Variants in DNM3 observed in about 807,000 individuals in gnomAD.
DNM3 encodes dynamin 3.
Under a neutral mutation model 101.6 loss-of-function variants are expected in DNM3, and 47 were observed. The observed-to-expected ratio is 0.46, with a 90% CI of 0.37 to 0.59. The LOEUF (loss-of-function observed/expected upper bound fraction) is 0.59, where lower values mean the gene tolerates loss of function less well. Among genes scored for constraint, DNM3 ranks in the 20% least tolerant of loss-of-function variants. The probability of loss-of-function intolerance (pLI) is 0.00; values close to 1 mark genes in which losing one functional copy is unlikely to be tolerated. For synonymous variants in DNM3, 385 were observed against 387.9 expected (o/e 0.99, Z 0.09); for missense variants, 849 against 1,085.7 (o/e 0.78, Z 3.06).
chr1:172,200,954 A>G (rs1422851370), intron 14 of DNM3, among the ~76,000 whole-genome samples: 1 of 152,044 alleles, frequency 6.6e-6, no homozygotes, highest in East Asian at 1.9e-4. Context: ...CATTTTAGTT[A>G]CCACAAAGTT....
intron 14 of DNM3, among the ~76,000 whole-genome samples, chr1:172,156,038 C>G (rs955901380): frequency 6.6e-6 from 1 of 151,942 alleles, no homozygotes; most frequent in African/African-American, 2.4e-5. Flanking sequence ...TTTTTTCATC[C>G]ATAGAACGAG....
At chr1:172,097,124 G>A (rs980465052) in intron 13 of DNM3, among the ~76,000 whole-genome samples, 32 of 152,122 alleles carry the variant, frequency 2.1e-4, no homozygotes, top group East Asian at 1.9e-4. Context: ...ATTTAGGGCC[G>A]GGCACGGTGA....
intron 20 of DNM3, among the ~76,000 whole-genome samples, chr1:172,404,663 A>G (rs1180794840): frequency 6.6e-6 from 1 of 152,028 alleles, no homozygotes; most frequent in Non-Finnish European, 1.5e-5. Context: ...ATAGACCTAC[A>G]TTCCTACTTC....
Position 172,044,351 on chromosome 1 carries a change from A to G in DNM3, c.1129-34A>G, listed in dbSNP as rs183499366. The G allele has an allele frequency of 1.2e-4, 192 of 1,553,544 alleles. 1 individual carries two copies. The highest frequency in any genetic ancestry group is 9.5e-5 in the African/African-American group (7 of 73,720). On this transcript the variant is annotated intron_variant, in intron 8 of 20. Coordinates refer to ENST00000627582, the MANE Select transcript of DNM3 (RefSeq NM_015569.5). ...TCAACAATATTATTCAAAGGAATTA[A>G]GTGTCATAACTATGGCTCATTTTGC...
At chr1:172,238,640 G>A (rs2061630864) in intron 14 of DNM3, among the ~76,000 whole-genome samples, 1 of 152,084 alleles carries the variant, frequency 6.6e-6, no homozygotes, top group Non-Finnish European at 1.5e-5. Flanking sequence ...TAAGCATGCA[G>A]TCCCATTCAT....
chr1:172,088,568 C>T (rs949822114), intron 12 of DNM3, among the ~76,000 whole-genome samples: 4 of 152,120 alleles, frequency 2.6e-5, no homozygotes, highest in African/African-American at 9.7e-5. Context: ...CACTTACAAA[C>T]CCCAGTCTAT....
intron 10 of DNM3, among the ~76,000 whole-genome samples, chr1:172,054,151 G>A (rs2050403903): frequency 6.6e-6 from 1 of 152,184 alleles, no homozygotes; most frequent in Non-Finnish European, 1.5e-5. Context: ...CTCCTCATGT[G>A]ATGCCTCATG....
intron 20 of DNM3, among the ~76,000 whole-genome samples, chr1:172,402,848 T>G (rs371389470): frequency 6.6e-6 from 1 of 152,212 alleles, no homozygotes; most frequent in Non-Finnish European, 1.5e-5. Flanking sequence ...CTTCTTAAGA[T>G]TTCCAGCACT....
chr1:172,324,943 C>A (rs575649658), intron 17 of DNM3, among the ~76,000 whole-genome samples: 1 of 152,228 alleles, frequency 6.6e-6, no homozygotes, highest in Non-Finnish European at 1.5e-5. Flanking sequence ...GGGGGAGGTG[C>A]TAACTCTCAG....
intron 14 of DNM3, among the ~76,000 whole-genome samples, chr1:172,215,977 A>C (rs1376823174): frequency 1.3e-5 from 2 of 150,468 alleles, no homozygotes; most frequent in Non-Finnish European, 3.0e-5. Context: ...AAAAGAAAGA[A>C]AACTTAAAGT....
intron 13 of DNM3, among the ~76,000 whole-genome samples, chr1:172,128,305 A>G (rs2148058973): frequency 6.6e-6 from 1 of 152,288 alleles, no homozygotes; most frequent in Non-Finnish European, 1.5e-5. Flanking sequence ...AGCTACCTCA[A>G]AGTCAGCATA....
Position 172,407,924 on chromosome 1 carries a change from T to G in DNM3, c.*83T>G. 1 of 1,605,066 alleles carries G rather than the reference T, an allele frequency of 6.2e-7. No individual in the cohort carries two copies. The highest frequency in any genetic ancestry group is 8.5e-7 in the Non-Finnish European group (1 of 1,174,714). On this transcript the variant is annotated 3_prime_UTR_variant, in exon 21 of 21. Coordinates refer to ENST00000627582, the MANE Select transcript of DNM3 (RefSeq NM_015569.5). ...GATAACCGTTGCAGTAAATCATGAG[T>G]AGTCGCATGTGTGGACATCAGTAGG...
intron 17 of DNM3, among the ~76,000 whole-genome samples, chr1:172,323,786 G>T (rs1332317154): frequency 6.6e-6 from 1 of 152,150 alleles, no homozygotes; most frequent in African/African-American, 2.4e-5. Context: ...GGCTGGCTTT[G>T]TTGACGAAAC....
intron 20 of DNM3, among the ~76,000 whole-genome samples, chr1:172,389,721 T>G (rs1329619628): frequency 6.6e-6 from 1 of 152,240 alleles, no homozygotes; most frequent in Non-Finnish European, 1.5e-5. Context: ...TCTGACTGTA[T>G]ATGAACCATA....
intron 2 of DNM3, among the ~76,000 whole-genome samples, chr1:171,987,130 G>A (rs1019417183): frequency 3.3e-5 from 5 of 152,002 alleles, no homozygotes; most frequent in South Asian, 2.1e-4. Flanking sequence ...TGTATAAGTT[G>A]ATGTGGTATT....
intron 2 of DNM3, among the ~76,000 whole-genome samples, chr1:171,936,557 A>T (rs2041437656): frequency 6.6e-6 from 1 of 152,212 alleles, no homozygotes; most frequent in Admixed American, 6.5e-5. Flanking sequence ...TCACAAAGTA[A>T]ATAAGTTAAG....
chr1:172,025,934 A>G (rs1346757536), intron 4 of DNM3, among the ~76,000 whole-genome samples: 7 of 152,138 alleles, frequency 4.6e-5, no homozygotes, highest in African/African-American at 9.7e-5. Context: ...CGGAAAGGGA[A>G]CAAAACTGGA....
intron 13 of DNM3, among the ~76,000 whole-genome samples, chr1:172,108,932 A>T (rs1056015054): frequency 6.6e-6 from 1 of 152,220 alleles, no homozygotes; most frequent in Non-Finnish European, 1.5e-5. Flanking sequence ...ATGGTGAACA[A>T]AAATAAAATA....
At chr1:172,021,456 T>TA (rs1205947534) in intron 4 of DNM3, among the ~76,000 whole-genome samples, 2 of 151,902 alleles carry the variant, frequency 1.3e-5, no homozygotes, top group African/African-American at 2.4e-5. Context: ...ACTCTGTCTC[T>TA]AAAAAAACAA....
Sources: allele counts gnomAD v4.1 joint callset (sites outside exome capture counted in the v4.1 genomes callset), GRCh38; gene constraint gnomAD v4.1.1; transcripts MANE v1.5; gene names NCBI Gene and HGNC (gene_info 2026-07-23, HGNC 2026-07-21).